The following THSD4 variants were observed in gnomAD, a reference collection of about 807,000 sequenced individuals.
THSD4 encodes thrombospondin type-1 domain-containing protein 4.
THSD4 carries 69 observed loss-of-function variants against 119.0 expected under a neutral mutation model. The ratio of observed to expected loss-of-function variants is 0.58; its 90% CI spans 0.48 to 0.71. The LOEUF (loss-of-function observed/expected upper bound fraction) is 0.71. Ranked by LOEUF, THSD4 falls within the 30% of genes least tolerant of loss-of-function variation. The pLI is 0.00. For synonymous variants in THSD4, 524 were observed against 540.4 expected (o/e 0.97, Z 0.42); for missense variants, 1,393 against 1,391.1 (o/e 1.00, Z -0.02).
At chr15:71,361,720 C>T (rs968828460) in intron 6 of THSD4, among the ~76,000 whole-genome samples, 4 of 152,062 alleles carry the variant, frequency 2.6e-5, no homozygotes, top group Admixed American at 2.0e-4. Flanking sequence ...TTTGTCATCA[C>T]AAAAGATTGG....
At chr15:71,502,826 A>G (rs1416491723) in intron 7 of THSD4, among the ~76,000 whole-genome samples, 1 of 152,218 alleles carries the variant, frequency 6.6e-6, no homozygotes, top group Non-Finnish European at 1.5e-5. Context: ...CATTTTATAA[A>G]TGAGGTCTTT....
intron 6 of THSD4, among the ~76,000 whole-genome samples, chr15:71,381,307 A>G (rs1236538580): frequency 1.3e-5 from 2 of 152,224 alleles, no homozygotes; most frequent in Non-Finnish European, 2.9e-5. Context: ...AGATTGCCAT[A>G]GGTAATTTAA....
intron 5 of THSD4, among the ~76,000 whole-genome samples, chr15:71,254,698 G>T (rs957583949): frequency 6.6e-6 from 1 of 152,148 alleles, no homozygotes; most frequent in Non-Finnish European, 1.5e-5. Flanking sequence ...CATGTGAAAA[G>T]CATCTTAGTT....
In THSD4 at chr15:71,771,911, A is replaced by G. The variant is rs554441058; in HGVS notation, c.2914+703A>G. Among the ~76,000 whole-genome samples the G allele has an allele frequency of 2.0e-5, 3 of 152,328 alleles. No homozygotes were observed. The South Asian group carries it at 6.2e-4, about 32-fold the overall frequency. On this transcript the variant is annotated intron_variant, in intron 17 of 17. Transcript: ENST00000261862. Reference sequence around the variant, plus strand: ...GGGCCCATCCCAGCAGGGGAGCTCAAGTACAGCCAGAAAACCAAAGAAGGC... The same window carrying G: ...GGGCCCATCCCAGCAGGGGAGCTCAGGTACAGCCAGAAAACCAAAGAAGGC...
At chr15:71,622,051 T>C (rs2050427782) in intron 7 of THSD4, among the ~76,000 whole-genome samples, 1 of 152,230 alleles carries the variant, frequency 6.6e-6, no homozygotes, top group Non-Finnish European at 1.5e-5. Context: ...GTTCAGGTGA[T>C]CTTGGAGGAG....
chr15:71,745,156 G>T lies in THSD4; in HGVS notation c.1957G>T (p.Ala653Ser), dbSNP rs28691775. ...TGTGCACAGAAGCACTCATGAAGAG[G>T]CTCCTGAGAGTTACTGTGACTCCAG... ...RCVHRSTHEEAPESYCDSSMK... is the reference protein window; with the variant it reads ...RCVHRSTHEESPESYCDSSMK... Residue 653 changes from alanine to serine, a missense_variant, in exon 12 of 18, where the codon GCT (alanine) becomes TCT (serine). Transcript: ENST00000261862. The T allele has an allele frequency of 7.3e-3, 11,699 of 1,612,566 alleles. 603 individuals carry two copies. The African/African-American group carries it at 0.12, about 17-fold the overall frequency.
Position 71,295,684 on chromosome 15 carries a change from TA to T in THSD4, c.1015+38980del, listed in dbSNP as rs35437901. On this transcript the variant is annotated intron_variant, in intron 6 of 17. Coordinates refer to ENST00000261862, the MANE Select transcript of THSD4 (RefSeq NM_024817.3). ...CAGAATCACCTGGGGACATTTTCTT[TA>T]AAAAAAAAAAGCCAGCTCTATTGAG... 4.6e-3 allele frequency among the ~76,000 whole-genome samples: 680 copies of T among 146,784 alleles called. 7 individuals carry two copies. The highest frequency in any genetic ancestry group is 6.9e-3 in the Middle Eastern group (2 of 288).
chr15:71,508,521 G>C (rs1292986548), intron 7 of THSD4, among the ~76,000 whole-genome samples: 1 of 152,160 alleles, frequency 6.6e-6, no homozygotes, highest in African/African-American at 2.4e-5. Flanking sequence ...ATCAGAGGCT[G>C]TGCCTTTCAT....
At chr15:71,169,598 A>C (rs1002282872) in intron 3 of THSD4, among the ~76,000 whole-genome samples, 4 of 152,250 alleles carry the variant, frequency 2.6e-5, no homozygotes, top group Non-Finnish European at 5.9e-5. Context: ...ACAATAAGGA[A>C]AAAATAACTT....
chr15:71,660,380 G>A (rs1250427732), intron 7 of THSD4, 150 bp from the exon 8 acceptor site: 1 of 840,878 alleles, frequency 1.2e-6, no homozygotes, highest in Non-Finnish European at 1.9e-6. Context: ...TACTTGTCTG[G>A]TTTACCGTCT....
intron 6 of THSD4, among the ~76,000 whole-genome samples, chr15:71,297,595 A>G (rs1030854512): frequency 8.6e-5 from 13 of 152,044 alleles, no homozygotes; most frequent in African/African-American, 2.9e-4. Flanking sequence ...TGGCCTCCCA[A>G]AGTGCTGGGA....
chr15:71,370,092 G>T (rs1224899984), intron 6 of THSD4, among the ~76,000 whole-genome samples: 1 of 151,966 alleles, frequency 6.6e-6, no homozygotes, highest in African/African-American at 2.4e-5. Flanking sequence ...GTGTTCTGTG[G>T]TGGTAGTTTG....
intron 7 of THSD4, among the ~76,000 whole-genome samples, chr15:71,447,075 A>G (rs1405717190): frequency 6.7e-6 from 1 of 150,138 alleles, no homozygotes; most frequent in Non-Finnish European, 1.5e-5. Flanking sequence ...GTGGGTTTGC[A>G]AACAACAGTG....
At chr15:71,493,807 C>T (rs942215021) in intron 7 of THSD4, among the ~76,000 whole-genome samples, 1 of 152,252 alleles carries the variant, frequency 6.6e-6, no homozygotes, top group Admixed American at 6.5e-5. Flanking sequence ...CCACGGCTGC[C>T]TTCCTTGTGA....
chr15:71,454,733 T>C (rs1402115915), intron 7 of THSD4, among the ~76,000 whole-genome samples: 1 of 152,240 alleles, frequency 6.6e-6, no homozygotes, highest in Non-Finnish European at 1.5e-5. Flanking sequence ...CAGTGCAGTG[T>C]TGGCAGGCTA....
At chr15:71,247,983 C>A (rs11633260) in intron 5 of THSD4, among the ~76,000 whole-genome samples, 41,788 of 152,138 alleles carry the variant, frequency 0.27, 6,498 homozygotes, top group South Asian at 0.42. Context: ...CTTTTCTGGC[C>A]AGACTCAGTT....
intron 6 of THSD4, among the ~76,000 whole-genome samples, chr15:71,347,559 C>T (rs958936663): frequency 2.6e-5 from 4 of 152,186 alleles, no homozygotes; most frequent in Admixed American, 6.5e-5. Flanking sequence ...GGTGTCCCAT[C>T]GATTACCCTT....
chr15:71,200,488 G>A (rs2043794487), intron 3 of THSD4, among the ~76,000 whole-genome samples: 1 of 152,118 alleles, frequency 6.6e-6, no homozygotes, highest in Non-Finnish European at 1.5e-5. Context: ...GAGAATCTGA[G>A]AATAGTAGCA....
intron 6 of THSD4, among the ~76,000 whole-genome samples, chr15:71,404,147 T>C (rs1596405557): frequency 6.6e-6 from 1 of 152,240 alleles, no homozygotes; most frequent in Non-Finnish European, 1.5e-5. Context: ...TTAGTTGTTT[T>C]AGTATATTCA....
Sources: allele counts gnomAD v4.1 joint callset (sites outside exome capture counted in the v4.1 genomes callset), GRCh38; gene constraint gnomAD v4.1.1; transcripts MANE v1.5; gene names NCBI Gene and HGNC (gene_info 2026-07-23, HGNC 2026-07-21).